The following HIF3A variants were observed in gnomAD, a reference collection of about 807,000 sequenced individuals.
HIF3A encodes hypoxia-inducible factor 3-alpha.
HIF3A carries 41 observed loss-of-function variants against 67.2 expected under a neutral mutation model. The observed-to-expected ratio is 0.61, with a 90% CI of 0.48 to 0.79. HIF3A has a LOEUF of 0.79. HIF3A is among the 30% of genes least tolerant of loss of function. The pLI, the probability that HIF3A is intolerant of heterozygous loss-of-function variation, is 0.00. For synonymous variants in HIF3A, 356 were observed against 374.8 expected (o/e 0.95, Z 0.58); for missense variants, 855 against 898.0 (o/e 0.95, Z 0.61).
At chr19:46,299,221 C>T (rs377245601) in intron 1 of HIF3A, among the ~76,000 whole-genome samples, 272 of 152,240 alleles carry the variant, frequency 1.8e-3, no homozygotes, top group African/African-American at 6.2e-3. Flanking sequence ...CCAGCTGGGG[C>T]GATCTGGAGG....
intron 2 of HIF3A, 60 bp downstream of exon 2, chr19:46,304,148 C>T (rs1470879684): frequency 6.9e-7 from 1 of 1,450,094 alleles, no homozygotes; most frequent in East Asian, 2.5e-5. Flanking sequence ...AAAAAAACTA[C>T]ATCCCAGGGA....
Position 46,331,263 on chromosome 19 carries a change from C to G in HIF3A, c.1820C>G (p.Pro607Arg), listed in dbSNP as rs750707098. The G allele has an allele frequency of 1.2e-6, 2 of 1,613,176 alleles. No homozygotes were observed. Among genetic ancestry groups the G allele is most frequent in the Non-Finnish European group, 1.7e-6 (2 of 1,179,260 alleles). The change falls in exon 13 of 15, where the codon CCT becomes CGT. Residue 607 changes from proline (P) to arginine (R), a missense_variant. Physicochemically the swap from Pro to Arg is moderately radical, Grantham distance 103. Transcript: ENST00000377670. ...SPEHENFLLF[P>R]LSLSFLLTGG... ...GAACACGAAAACTTTCTGCTCTTTCCTCTCAGCCTGGTGTGTTGGGGGATT... is the reference window on the plus strand; with the variant it reads ...GAACACGAAAACTTTCTGCTCTTTCGTCTCAGCCTGGTGTGTTGGGGGATT...
intron 1 of HIF3A, chr19:46,298,340 G>A: frequency 7.9e-7 from 1 of 1,270,276 alleles, no homozygotes; most frequent in Admixed American, 2.4e-5. Context: ...CTGGGTGGGG[G>A]CCCCTCTTGG....
At chr19:46,326,345 G>GT (rs1183798331) in intron 11 of HIF3A, among the ~76,000 whole-genome samples, 2 of 152,190 alleles carry the variant, frequency 1.3e-5, no homozygotes, top group African/African-American at 4.8e-5. Context: ...GAAAGTACAA[G>GT]TCCCAGACTG....
Position 46,321,943 on chromosome 19 carries a change from C to T in HIF3A, c.1312C>T (p.Arg438Trp), listed in dbSNP as rs1369188513. The T allele has an allele frequency of 9.9e-6, 16 of 1,613,982 alleles. No homozygotes were observed. The highest frequency in any genetic ancestry group is 2.2e-5 in the East Asian group (1 of 44,866). ...CACTCCCAGCACCCCGCTGGCCACA[C>T]GGCACCCCCAAAGTCCTCTTTCGGT... is the stretch of plus-strand genomic sequence containing the variant. ...AATPSTPLAT[R>W]HPQSPLSADL... Residue 438 changes from arginine (R) to tryptophan (W), a missense_variant, in exon 10 of 15, where the codon CGG (arginine) becomes TGG (tryptophan). Arg to Trp is a moderately radical substitution (Grantham distance 101). Transcript: ENST00000377670.
In HIF3A at chr19:46,302,883, GAAAGA is replaced by G. The variant is rs1276948656; in HGVS notation, c.27-1004_27-1000del. The stretch of plus-strand genomic sequence containing the variant: ...AGCGACAGCCTGTCTCAAAAGAAAA[GAAAGA>G]AAAGAAAAGAGAAACTTTGGGTTCA... On this transcript the variant is annotated intron_variant, in intron 1 of 14. Transcript: ENST00000377670. Among the ~76,000 whole-genome samples, 3 of 152,120 alleles carry G rather than the reference GAAAGA, an allele frequency of 2.0e-5. No homozygotes were observed. The South Asian group carries it at 6.2e-4, about 32-fold the overall frequency.
At chr19:46,308,191 G>C in intron 3 of HIF3A, 30 bp from the exon 4 acceptor site, 1 of 1,465,298 alleles carries the variant, frequency 6.8e-7, no homozygotes, top group South Asian at 1.1e-5. Flanking sequence ...AGAAGCCCTG[G>C]TAGACCCCCA....
intron 1 of HIF3A, among the ~76,000 whole-genome samples, chr19:46,300,948 T>A (rs796549185): frequency 0.024 from 3,702 of 151,712 alleles, 70 homozygotes; most frequent in Non-Finnish European, 0.039. Flanking sequence ...GGTGGGGCAC[T>A]GGCCCCACCT....
chr19:46,303,859 T>C (rs1197277378), intron 1 of HIF3A, 39 bp from the exon 2 acceptor site: 1 of 1,587,276 alleles, frequency 6.3e-7, no homozygotes, highest in East Asian at 2.3e-5. Context: ...CTTTTCTCTT[T>C]CCCGAGTCAC....
At chr19:46,331,677 G>A (rs1268512995) in intron 13 of HIF3A, among the ~76,000 whole-genome samples, 1 of 150,992 alleles carries the variant, frequency 6.6e-6, no homozygotes, top group Admixed American at 6.6e-5. Context: ...CCAACATGGA[G>A]ATACCCCGTC....
At position 46,302,404 on chromosome 19, in the gene HIF3A, A is replaced by T. The variant is rs186324027; in HGVS notation, c.27-1494A>T. Among the ~76,000 whole-genome samples the T allele has an allele frequency of 4.7e-3, 709 of 151,798 alleles. 5 individuals are homozygous for T. The highest frequency in any genetic ancestry group is 0.016 in the African/African-American group (682 of 41,368). On this transcript the variant is annotated intron_variant, in intron 1 of 14. Coordinates refer to ENST00000377670, the MANE Select transcript of HIF3A (RefSeq NM_152795.4). ...CTCGGCCTCCCAAAGTGCTGGGATTACAGGCGTGAGCCACTGCGCCCGGCC... is the reference window on the plus strand; with the variant it reads ...CTCGGCCTCCCAAAGTGCTGGGATTTCAGGCGTGAGCCACTGCGCCCGGCC...
At chr19:46,325,347 G>A (rs532447188) in intron 10 of HIF3A, among the ~76,000 whole-genome samples, 188 bp from the exon 11 acceptor site, 28 of 152,068 alleles carry the variant, frequency 1.8e-4, no homozygotes, top group African/African-American at 6.5e-4. Flanking sequence ...ATCCATCTAT[G>A]TACACCCAGG....
At chr19:46,313,583 G>T (rs186765072) in intron 8 of HIF3A, among the ~76,000 whole-genome samples, 1 of 149,594 alleles carries the variant, frequency 6.7e-6, no homozygotes, top group South Asian at 2.1e-4. Flanking sequence ...TTTGACACAC[G>T]CATGCAGTTG....
In HIF3A at chr19:46,305,257, A is replaced by T. The variant is rs1157033146; in HGVS notation, c.230A>T (p.Gln77Leu). Residue 77 changes from glutamine to leucine, a missense_variant, in exon 3 of 15, where the codon CAG (glutamine) becomes CTG (leucine). Around this residue, in one of 3 missense-constraint regions of HIF3A, gnomAD observed 638 missense variants for 660.5 expected, o/e 0.97. Coordinates refer to ENST00000377670, the MANE Select transcript of HIF3A (RefSeq NM_152795.4). ...CCCCGGGCACCAGGGGAGTGGAACC[A>T]GGTGGGAGCAGGGGGAGAACCACTG... ...HRLCAAGEWN[Q>L]VGAGGEPLDA... 2.5e-6 allele frequency: 4 copies of T among 1,614,014 alleles called. No homozygotes were observed. In the South Asian group the frequency reaches 4.4e-5, roughly 18 times the overall value.
intron 2 of HIF3A, among the ~76,000 whole-genome samples, chr19:46,304,400 T>C (rs1968640363): frequency 6.6e-6 from 1 of 152,072 alleles, no homozygotes; most frequent in South Asian, 2.1e-4. Context: ...CCTTCAACTC[T>C]TACGATTTGG....
chr19:46,312,772 ATG>A, intron 8 of HIF3A, 119 bp downstream of exon 8: 1 of 1,445,718 alleles, frequency 6.9e-7, no homozygotes, highest in South Asian at 1.5e-5. Context: ...GCATAAGTGT[ATG>A]TGAGGGAGTG....
Position 46,341,620 on chromosome 19 carries a change from T to C in HIF3A, c.*1998T>C, listed in dbSNP as rs975845122. On this transcript the variant is annotated 3_prime_UTR_variant, in exon 15 of 15. Transcript: ENST00000377670. ...AAGTACAGAGAGTTTGATGTGTTTA[T>C]CTCTTTTTTCTTCCTCTTCTTTTTT... 7 of 151,996 alleles carry C rather than the reference T, an allele frequency of 4.6e-5. No homozygotes were observed. The highest frequency in any genetic ancestry group is 8.8e-5 in the Non-Finnish European group (6 of 68,094). The allele number at this position is 151,996 out of a possible 1,614,324, so 9.4% of individuals were successfully genotyped here. A position where few individuals can be genotyped will look rare whatever the true frequency, so the allele number is the denominator to read the frequency against.
In HIF3A at chr19:46,339,879, C is replaced by G; in HGVS notation, c.*257C>G. ...CCCTCCTCCTTCTCTCAGGATTTCT[C>G]TTGGGGTTCTCAATACTTGGTTACC... On this transcript the variant is annotated 3_prime_UTR_variant, in exon 15 of 15. Coordinates refer to ENST00000377670, the MANE Select transcript of HIF3A (RefSeq NM_152795.4). 2.6e-6 allele frequency: 1 copy of G among 387,134 alleles called. No individual in the cohort carries two copies. The highest frequency in any genetic ancestry group is 4.6e-6 in the Non-Finnish European group (1 of 218,584). The allele number at this position is 387,134 out of a possible 1,614,324, so 24.0% of individuals were successfully genotyped here.
chr19:46,325,613 GT>G lies in HIF3A; in HGVS notation c.1415del (p.Val472GlyfsTer5). On this transcript the variant is annotated frameshift_variant, in exon 11 of 15. Coordinates refer to ENST00000377670, the MANE Select transcript of HIF3A (RefSeq NM_152795.4). LOFTEE classifies it high-confidence loss of function. Reference sequence around the variant, plus strand: ...CACCTCCGGGAAAGACACTGAGGCAGTGGAGACAGATTTAGATATAGCTCAG... The same window carrying G: ...CACCTCCGGGAAAGACACTGAGGCAGGGAGACAGATTTAGATATAGCTCAG... ...LFTSGKDTEA[V>X]ETDLDIAQDA... 1 of 1,613,204 alleles carries G rather than the reference GT, an allele frequency of 6.2e-7. No homozygotes were observed. Among genetic ancestry groups the G allele is most frequent in the African/African-American group, 1.3e-5 (1 of 75,012 alleles).
Sources: gnomAD v4.1 joint callset for allele counts (sites outside exome capture counted in the v4.1 genomes callset) on GRCh38, gnomAD v4.1.1 for gene constraint, gnomAD v4.1.1 regional missense constraint, MANE v1.5 for transcripts, NCBI Gene and HGNC (gene_info 2026-07-23, HGNC 2026-07-21) for gene names.